TMEM132C: variants seen among roughly 807,000 people sequenced by gnomAD.
The protein encoded by TMEM132C is protein phosphatase 1, regulatory subunit 152.
In TMEM132C, 29 loss-of-function variants were observed where a neutral mutation model predicts 61.4. The ratio of observed to expected loss-of-function variants is 0.47; its 90% CI spans 0.35 to 0.64. The LOEUF (loss-of-function observed/expected upper bound fraction) is 0.64. Ranked by LOEUF, TMEM132C falls within the 30% of genes least tolerant of loss-of-function variation. TMEM132C has a pLI of 0.00. For synonymous variants in TMEM132C, 656 were observed against 633.1 expected (o/e 1.04, Z -0.54); for missense variants, 1,408 against 1,476.9 (o/e 0.95, Z 0.76).
At chr12:128,500,161 AACAACCCAGTTGCAACTC>A (rs1290960434) in intron 2 of TMEM132C, among the ~76,000 whole-genome samples, 1 of 152,198 alleles carries the variant, frequency 6.6e-6, no homozygotes, top group Non-Finnish European at 1.5e-5. Context: ...CCTCAGGCAA[AACAACCCAGTTGCAACTC>A]TACTTCATGC....
Position 128,270,240 on chromosome 12 carries a change from G to A in TMEM132C, c.85+2753G>A, listed in dbSNP as rs571247030. On this transcript the variant is annotated intron_variant, in intron 1 of 8. Coordinates refer to ENST00000435159, the MANE Select transcript of TMEM132C (RefSeq NM_001136103.3). ...ATTCTCTTTTCTGAAATCTGTGGGG[G>A]CAAATGTATTTCAAGATTTAGAATT... Among the ~76,000 whole-genome samples, 5 of 152,246 alleles carry A rather than the reference G, an allele frequency of 3.3e-5. No homozygotes were observed. In the South Asian group the frequency reaches 1.0e-3, roughly 32 times the overall value.
At chr12:128,385,737 G>A (rs73436636) in intron 1 of TMEM132C, among the ~76,000 whole-genome samples, 2,061 of 152,322 alleles carry the variant, frequency 0.014, 52 homozygotes, top group African/African-American at 0.047. Context: ...AATTCAATTT[G>A]GGTATAAGTC....
intron 2 of TMEM132C, among the ~76,000 whole-genome samples, chr12:128,489,100 G>A (rs1871612368): frequency 6.6e-6 from 1 of 152,060 alleles, no homozygotes; most frequent in Non-Finnish European, 1.5e-5. Context: ...CTGGTCCCCG[G>A]GCAGTGGGCG....
intron 2 of TMEM132C, chr12:128,439,289 A>G (rs980456958): frequency 1.3e-5 from 2 of 152,208 alleles, no homozygotes; most frequent in Non-Finnish European, 2.9e-5. Context: ...GAGGCTGGGT[A>G]CATGCTGCCC....
At chr12:128,309,726 C>CTTTTTTTTTTTTTTTTT (rs1212792170) in intron 1 of TMEM132C, among the ~76,000 whole-genome samples, 1 of 144,500 alleles carries the variant, frequency 6.9e-6, no homozygotes, top group African/African-American at 2.5e-5. Context: ...TCCTTTTTTT[C>CTTTTTTTTTTTTTTTTT]TTTTTTTTTT....
chr12:128,281,442 A>C (rs1341212853), intron 1 of TMEM132C, among the ~76,000 whole-genome samples: 2 of 152,194 alleles, frequency 1.3e-5, no homozygotes, highest in African/African-American at 4.8e-5. Context: ...CAATTGTAGC[A>C]TCAAACCTCA....
chr12:128,312,535 C>T lies in TMEM132C; in HGVS notation c.85+45048C>T, dbSNP rs752054561. On this transcript the variant is annotated intron_variant, in intron 1 of 8. Transcript: ENST00000435159. Reference sequence around the variant, plus strand: ...TGCCCAGGCTGACTGGTGTCTTTTACGGGAAGGGAGAGGGAGACTTGGATA... The same window carrying T: ...TGCCCAGGCTGACTGGTGTCTTTTATGGGAAGGGAGAGGGAGACTTGGATA... Among the ~76,000 whole-genome samples, 10 of 151,972 alleles carry T rather than the reference C, an allele frequency of 6.6e-5. No homozygotes were observed. The East Asian group carries it at 7.7e-4, about 12-fold the overall frequency.
chr12:128,427,705 G>A (rs991699501), intron 2 of TMEM132C, among the ~76,000 whole-genome samples: 19 of 152,074 alleles, frequency 1.2e-4, no homozygotes, highest in Non-Finnish European at 1.8e-4. Flanking sequence ...TAAGGCACTC[G>A]GCTGGAGAAG....
intron 3 of TMEM132C, among the ~76,000 whole-genome samples, chr12:128,568,111 A>G (rs1874762208): frequency 6.6e-6 from 1 of 152,234 alleles, no homozygotes; most frequent in Non-Finnish European, 1.5e-5. Flanking sequence ...TAGGGAACAA[A>G]TGATGCCAGG....
chr12:128,540,473 C>T (rs1156286079), intron 2 of TMEM132C, among the ~76,000 whole-genome samples: 6 of 152,138 alleles, frequency 3.9e-5, no homozygotes, highest in East Asian at 3.9e-4. Context: ...AGGATAATCT[C>T]TATCTGCTGA....
intron 4 of TMEM132C, among the ~76,000 whole-genome samples, chr12:128,660,118 A>T (rs1003004497): frequency 6.6e-6 from 1 of 152,206 alleles, no homozygotes; most frequent in South Asian, 2.1e-4. Context: ...CACGTAATGC[A>T]TGCTGCTGTC....
chr12:128,492,172 A>G (rs569712570), intron 2 of TMEM132C, among the ~76,000 whole-genome samples: 1 of 152,292 alleles, frequency 6.6e-6, no homozygotes, highest in South Asian at 2.1e-4. Context: ...CCTACAAAGG[A>G]CATGAACTCA....
intron 3 of TMEM132C, among the ~76,000 whole-genome samples, chr12:128,567,477 A>G (rs1490401573): frequency 2.1e-5 from 3 of 144,630 alleles, no homozygotes; most frequent in Admixed American, 7.1e-5. Context: ...CACACACACA[A>G]CTGGTAACTA....
intron 7 of TMEM132C, among the ~76,000 whole-genome samples, chr12:128,696,748 C>T (rs575342916): frequency 1.9e-4 from 29 of 152,328 alleles, no homozygotes; most frequent in African/African-American, 6.7e-4. Flanking sequence ...TTCCCCTGGA[C>T]ATCTCAAGCC....
At position 128,572,707 on chromosome 12, in the gene TMEM132C, T is replaced by G. The variant is rs1874935896; in HGVS notation, c.1121+28604T>G. The stretch of plus-strand genomic sequence containing the variant: ...CCTCTGATTGGCCAGACCTGTCACA[T>G]GCTCACTGTGGCCTCTGTTGGCCTC... On this transcript the variant is annotated intron_variant, in intron 3 of 8. Coordinates refer to ENST00000435159, the MANE Select transcript of TMEM132C (RefSeq NM_001136103.3). 2.0e-5 allele frequency among the ~76,000 whole-genome samples: 3 copies of G among 151,574 alleles called. No homozygotes were observed. The South Asian group carries it at 6.3e-4, about 32-fold the overall frequency.
chr12:128,501,964 C>T (rs1344805899), intron 2 of TMEM132C, among the ~76,000 whole-genome samples: 1 of 152,214 alleles, frequency 6.6e-6, no homozygotes, highest in Non-Finnish European at 1.5e-5. Flanking sequence ...GAGTACCAAT[C>T]CTCTAAATTT....
rs560766403 is a variant in TMEM132C at position 128,449,920 on chromosome 12, T to G, written c.974+34300T>G. ...AAGTGGAATCAAGTTTAACATGCAA[T>G]AGATGCTAGAATTTTCTAGGGAAAT... On this transcript the variant is annotated intron_variant, in intron 2 of 8. Transcript: ENST00000435159. Among the ~76,000 whole-genome samples the G allele has an allele frequency of 2.6e-5, 4 of 152,282 alleles. No homozygotes were observed. The East Asian group carries it at 7.7e-4, about 29-fold the overall frequency.
chr12:128,554,986 T>C (rs989978979), intron 3 of TMEM132C, among the ~76,000 whole-genome samples: 1 of 152,088 alleles, frequency 6.6e-6, no homozygotes, highest in Non-Finnish European at 1.5e-5. Flanking sequence ...CATAGAACAG[T>C]GAGTGATGCC....
intron 2 of TMEM132C, among the ~76,000 whole-genome samples, chr12:128,540,845 G>T (rs35005576): frequency 6.6e-6 from 1 of 151,216 alleles, no homozygotes; most frequent in South Asian, 2.1e-4. Context: ...AATCGTCAGG[G>T]CCCGCGGGTC....
Sources: allele counts gnomAD v4.1 joint callset (sites outside exome capture counted in the v4.1 genomes callset), GRCh38; gene constraint gnomAD v4.1.1; transcripts MANE v1.5; gene names NCBI Gene and HGNC (gene_info 2026-07-23, HGNC 2026-07-21).